The following TMEM130 variants were observed in gnomAD, a reference collection of about 807,000 sequenced individuals.
TMEM130 encodes the protein transmembrane protein 130.
A neutral mutation model predicts 42.9 loss-of-function variants in TMEM130; 37 were observed. That is an observed-to-expected ratio of 0.86 (90% CI 0.66 to 1.13). The LOEUF (loss-of-function observed/expected upper bound fraction) is 1.13. Ranked by LOEUF, TMEM130 falls within the 50% of genes most tolerant of loss-of-function variation. The pLI, the probability that TMEM130 is intolerant of heterozygous loss-of-function variation, is 0.00. For synonymous variants in TMEM130, 259 were observed against 237.7 expected, an observed-to-expected ratio of 1.09 and a Z score of -0.82; for missense variants, 545 against 562.6, an observed-to-expected ratio of 0.97 and a Z score of 0.32.
intron 4 of TMEM130, 78 bp downstream of exon 4, chr7:98,855,939 C>T: frequency 6.6e-7 from 1 of 1,516,316 alleles, no homozygotes; most frequent in Middle Eastern, 2.3e-4. Flanking sequence ...TGAGTCCAGC[C>T]CAGAGCCACT....
chr7:98,856,139 G>A lies in TMEM130; in HGVS notation c.596C>T (p.Ser199Phe). ...CTTCACGGTGAAGGTCCCGATGATG[G>A]AATAGTTATAATAGACCACGGAGTC... Reference protein sequence around the residue: ...TEDSVVYYNYSIIGTFTVKLK... With the variant: ...TEDSVVYYNYFIIGTFTVKLK... The change falls in exon 4 of 8, where the codon TCC becomes TTC. Residue 199 changes from serine (S) to phenylalanine (F), a missense_variant. By Grantham distance (155) the Ser-to-Phe change is radical (BLOSUM62 -2). Coordinates refer to ENST00000339375, the MANE Select transcript of TMEM130 (RefSeq NM_152913.3). 6 of 1,614,004 alleles carry A rather than the reference G, an allele frequency of 3.7e-6. No individual in the cohort carries two copies. Among genetic ancestry groups the A allele is most frequent in the East Asian group, 2.2e-5 (1 of 44,880 alleles).
chr7:98,864,152 G>A (rs781510607), intron 1 of TMEM130, among the ~76,000 whole-genome samples: 1 of 152,100 alleles, frequency 6.6e-6, no homozygotes, highest in Non-Finnish European at 1.5e-5. Context: ...GCCTTGGTTA[G>A]TGGCTACTCT....
chr7:98,850,097 T>A (rs1174831736), intron 6 of TMEM130, among the ~76,000 whole-genome samples: 1 of 150,990 alleles, frequency 6.6e-6, no homozygotes, highest in African/African-American at 2.4e-5. Flanking sequence ...TCGCTCAGGC[T>A]GGAGTGCTGT....
At chr7:98,850,273 A>ATATATATATATTTTTTTTTTTTT in intron 6 of TMEM130, among the ~76,000 whole-genome samples, 10 of 35,474 alleles carry the variant, frequency 2.8e-4, no homozygotes, top group Non-Finnish European at 5.1e-4. Context: ...ATATATATAT[A>ATATATATATATTTTTTTTTTTTT]TTTTTTTTTT....
chr7:98,863,034 T>C (rs1401350954), intron 2 of TMEM130, 61 bp downstream of exon 2: 24 of 1,535,548 alleles, frequency 1.6e-5, no homozygotes, highest in South Asian at 9.7e-5. Flanking sequence ...CTAGCGAAGC[T>C]TGATGTTTTT....
At chr7:98,852,288 C>T (rs1041907520) in intron 5 of TMEM130, among the ~76,000 whole-genome samples, 1 of 152,114 alleles carries the variant, frequency 6.6e-6, no homozygotes, top group Non-Finnish European at 1.5e-5. Flanking sequence ...CACAACCATG[C>T]CTGGCTAATT....
Position 98,869,110 on chromosome 7 carries a change from T to C in TMEM130, c.85+667A>G. 8.6e-7 allele frequency: 1 copy of C among 1,159,518 alleles called. No individual in the cohort carries two copies. The highest frequency in any genetic ancestry group is 1.1e-6 in the Non-Finnish European group (1 of 900,256). The allele number at this position is 1,159,518 out of a possible 1,614,324, so 71.8% of individuals were successfully genotyped here. A position where few individuals can be genotyped will look rare whatever the true frequency, so the allele number is the denominator to read the frequency against. On this transcript the variant is annotated intron_variant, in intron 1 of 7. Transcript: ENST00000339375. This position sits in a 1 kb window ranked among gnomAD's most constrained non-coding sequence, Gnocchi z 4.7. Reference sequence around the variant, plus strand: ...GGGTCCTTTTATGGTTCCCAAAATGTGGCAGAGAGGTGGGTGCTGGCTTTC... The same window carrying C: ...GGGTCCTTTTATGGTTCCCAAAATGCGGCAGAGAGGTGGGTGCTGGCTTTC...
rs1554397605 is a variant in TMEM130, at chr7:98,848,063, G to T, written c.1265C>A (p.Thr422Asn). Residue 422 changes from threonine (T) to asparagine (N), a missense_variant, in exon 8 of 8, where the codon ACC (threonine) becomes AAC (asparagine). By Grantham distance (65) the Thr-to-Asn change is moderately conservative. Transcript: ENST00000339375. ...PPLYKSVKTY[T>N]V ...GGTGGGGAGGGGGAGTGCTCACACG[G>T]TGTAAGTTTTGACAGACTTATAGAG... 1 of 1,613,628 alleles carries T rather than the reference G, an allele frequency of 6.2e-7. No individual in the cohort carries two copies. The highest frequency in any genetic ancestry group is 1.7e-5 in the Admixed American group (1 of 59,962).
chr7:98,849,966 A>G lies in TMEM130; in HGVS notation c.1007-1271T>C, dbSNP rs1261522138. 2.0e-5 allele frequency among the ~76,000 whole-genome samples: 3 copies of G among 151,930 alleles called. No individual in the cohort carries two copies. In the East Asian group the frequency reaches 5.8e-4, roughly 30 times the overall value. ...CAATGCTGTCATCAGCAAAGCCCAC[A>G]ATCGTAAGCCAGGGGCTGGGCCGAT... On this transcript the variant is annotated intron_variant, in intron 6 of 7. Coordinates refer to ENST00000339375, the MANE Select transcript of TMEM130 (RefSeq NM_152913.3).
At chr7:98,855,653 C>T (rs1335318323) in intron 4 of TMEM130, among the ~76,000 whole-genome samples, 1 of 152,218 alleles carries the variant, frequency 6.6e-6, no homozygotes, top group Non-Finnish European at 1.5e-5. Flanking sequence ...GGCTCCCTCT[C>T]ACCAAAGCCA....
intron 5 of TMEM130, among the ~76,000 whole-genome samples, chr7:98,852,915 A>G (rs1252917307): frequency 6.6e-6 from 1 of 152,136 alleles, no homozygotes; most frequent in African/African-American, 2.4e-5. Flanking sequence ...ATTCTTAATG[A>G]GGTAGCCAGA....
rs1794826455 is a variant in TMEM130 at position 98,863,194 on chromosome 7, G to A, written c.292C>T (p.His98Tyr). 14 of 1,614,120 alleles carry A rather than the reference G, an allele frequency of 8.7e-6. No individual in the cohort carries two copies. Among genetic ancestry groups the A allele is most frequent in the Non-Finnish European group, 8.5e-6 (10 of 1,180,028 alleles). ...GLSSTIRVVGHVPGEFPVSVW... is the reference protein window; with the variant it reads ...GLSSTIRVVGYVPGEFPVSVW... ...GAGACCGGGAATTCCCCGGGCACGT[G>A]GCCGACCACACGGATGGTGGAGCTG... Residue 98 changes from histidine to tyrosine, a missense_variant, in exon 2 of 8, where the codon CAC (histidine) becomes TAC (tyrosine). Physicochemically the swap from His to Tyr is moderately conservative, Grantham distance 83. Transcript: ENST00000339375.
intron 5 of TMEM130, among the ~76,000 whole-genome samples, chr7:98,853,031 G>T (rs2116077726): frequency 6.6e-6 from 1 of 152,310 alleles, no homozygotes; most frequent in Non-Finnish European, 1.5e-5. Context: ...CATTCCACAA[G>T]CATAGGCTCA....
rs147133382 is a variant in TMEM130 at position 98,860,286 on chromosome 7, G to A, written c.444C>T (p.Pro148=). The A allele has an allele frequency of 3.2e-4, 516 of 1,612,952 alleles. No homozygotes were observed. Among genetic ancestry groups the A allele is most frequent in the Middle Eastern group, 1.5e-3 (9 of 6,058 alleles). The part of the protein sequence containing the change: ...VVTQNTSLPW[P]SSYLTKTVLK... ...GGACGGTCTTAGTGAGATAGGAGCT[G>A]GGCCAGGGTAGGGAAGTGTTCTGGG... The change falls in exon 3 of 8, where the codon CCC becomes CCT. Residue 148 remains proline (P), a synonymous_variant. Transcript: ENST00000339375.
intron 3 of TMEM130, among the ~76,000 whole-genome samples, chr7:98,859,386 A>G (rs551740016): frequency 3.0e-4 from 45 of 152,348 alleles, no homozygotes; most frequent in African/African-American, 1.0e-3. Context: ...CTTCGAGGTC[A>G]AATGGGAAAA....
chr7:98,849,361 G>A (rs1490132103), intron 6 of TMEM130, among the ~76,000 whole-genome samples: 2 of 152,160 alleles, frequency 1.3e-5, no homozygotes, highest in African/African-American at 4.8e-5. Context: ...TGTGGTAGGT[G>A]ATCAGGAAGT....
chr7:98,848,200 C>A lies in TMEM130; in HGVS notation c.1128G>T (p.Glu376Asp). The change falls in exon 8 of 8, where the codon GAG becomes GAT. Residue 376 changes from glutamate (E) to aspartate (D), a missense_variant. Coordinates refer to ENST00000339375, the MANE Select transcript of TMEM130 (RefSeq NM_152913.3). ...TQQKDMVENPEPPSGVRCCCQ... is the reference protein window; with the variant it reads ...TQQKDMVENPDPPSGVRCCCQ... ...AGCAGCACCTGACCCCAGAGGGTGG[C>A]TCCGGGTTCTTGTCAGACATGGGGG... is the stretch of plus-strand genomic sequence containing the variant. 6.2e-7 allele frequency: 1 copy of A among 1,614,046 alleles called. No individual in the cohort carries two copies.
chr7:98,857,632 G>A (rs375360092), intron 3 of TMEM130, among the ~76,000 whole-genome samples: 21 of 151,578 alleles, frequency 1.4e-4, no homozygotes, highest in East Asian at 1.2e-3. Context: ...GCCAGGAGGC[G>A]GAGGTTGCAG....
At chr7:98,848,409 T>C (rs550185277) in intron 7 of TMEM130, among the ~76,000 whole-genome samples, 174 bp downstream of exon 7, 2 of 152,228 alleles carry the variant, frequency 1.3e-5, no homozygotes, top group Non-Finnish European at 2.9e-5. Context: ...GGACACCAAC[T>C]TAGCAATTTT....
Sources: allele counts gnomAD v4.1 joint callset (sites outside exome capture counted in the v4.1 genomes callset), GRCh38; gene constraint gnomAD v4.1.1; non-coding constraint Gnocchi (gnomAD v3.1); transcripts MANE v1.5; gene names NCBI Gene and HGNC (gene_info 2026-07-23, HGNC 2026-07-21).